Variants in HNRNPK observed in about 807,000 individuals in gnomAD.
HNRNPK encodes the protein dC-stretch binding protein.
Under a neutral mutation model 67.0 loss-of-function variants are expected in HNRNPK, and 7 were observed. That is an observed-to-expected ratio of 0.10 (90% CI 0.06 to 0.20). The LOEUF (loss-of-function observed/expected upper bound fraction) is 0.20, where lower values mean the gene tolerates loss of function less well. HNRNPK is among the 10% of genes least tolerant of loss of function. HNRNPK has a pLI of 1.00. For synonymous variants in HNRNPK, 213 were observed against 193.7 expected (o/e 1.10, Z -0.83); for missense variants, 264 against 606.5 (o/e 0.44, Z 5.93).
At chr9:83,979,241 G>T (rs1199048304) in intron 1 of HNRNPK, among the ~76,000 whole-genome samples, 1 of 152,174 alleles carries the variant, frequency 6.6e-6, no homozygotes, top group Non-Finnish European at 1.5e-5. Flanking sequence ...GCCAACAAGC[G>T]AGGCACATTT....
rs1445085692 is a variant in HNRNPK at position 83,968,782 on chromosome 9, AAG to A, written c.*623_*624del. The A allele has an allele frequency of 2.0e-5, 3 of 152,824 alleles. No homozygotes were observed. The highest frequency in any genetic ancestry group is 7.2e-5 in the African/African-American group (3 of 41,576). 9.5% of individuals were successfully genotyped at this position (152,824 alleles called of 1,614,324 possible). Reference sequence around the variant, plus strand: ...CCAAGTTATTTTGCCTATGTCCAACAAGAGATGCACTTATATGTCCAACAGAG... The same window carrying A: ...CCAAGTTATTTTGCCTATGTCCAACAAGATGCACTTATATGTCCAACAGAG... On this transcript the variant is annotated 3_prime_UTR_variant, in exon 17 of 17. Transcript: ENST00000376263.
At chr9:83,973,136 C>G in intron 9 of HNRNPK, 150 bp downstream of exon 9, 1 of 729,648 alleles carries the variant, frequency 1.4e-6, no homozygotes, top group Non-Finnish European at 2.3e-6. Context: ...GACAAAATAA[C>G]ATGTCTAGCA....
intron 12 of HNRNPK, 97 bp from the exon 13 acceptor site, chr9:83,971,453 A>G (rs756912058): frequency 3.3e-5 from 30 of 917,928 alleles, no homozygotes; most frequent in Non-Finnish European, 4.5e-5. Context: ...AAAACAAAAG[A>G]GGGTACATAT....
chr9:83,974,723 G>T, intron 6 of HNRNPK, 134 bp from the exon 7 acceptor site: 1 of 622,322 alleles, frequency 1.6e-6, no homozygotes, highest in Non-Finnish European at 2.8e-6. Context: ...ATTTAAAGTA[G>T]CCTATTTATA....
At chr9:83,972,258 A>T (rs941761653) in intron 10 of HNRNPK, 69 bp from the exon 11 acceptor site, 29 of 1,161,488 alleles carry the variant, frequency 2.5e-5, no homozygotes, top group African/African-American at 2.5e-4. Flanking sequence ...AATCCTTCTA[A>T]CATCATCATC....
intron 5 of HNRNPK, chr9:83,975,734 G>A: frequency 5.2e-6 from 3 of 579,528 alleles, no homozygotes; most frequent in South Asian, 4.2e-5. Context: ...AACAAGGAGA[G>A]GGAAAAGGGG....
At chr9:83,978,964 T>A (rs1026502519) in intron 1 of HNRNPK, among the ~76,000 whole-genome samples, 1 of 152,150 alleles carries the variant, frequency 6.6e-6, no homozygotes, top group Admixed American at 6.5e-5. Flanking sequence ...AAATCTAATA[T>A]AGGACCAGAC....
chr9:83,980,556 G>A (rs111916510), upstream of HNRNPK: 1 of 152,922 alleles, frequency 6.5e-6, no homozygotes. Flanking sequence ...CGGTGCAGCA[G>A]AGAAACAGAG....
intron 3 of HNRNPK, 49 bp downstream of exon 3, chr9:83,978,146 T>G (rs1157474162): frequency 1.6e-6 from 2 of 1,250,998 alleles, no homozygotes; most frequent in Non-Finnish European, 1.2e-6. Context: ...AAAAAGGCAA[T>G]TTATTAACAG....
intron 12 of HNRNPK, 112 bp from the exon 13 acceptor site, chr9:83,971,468 G>A: frequency 1.2e-6 from 1 of 839,326 alleles, no homozygotes; most frequent in South Asian, 1.5e-5. Context: ...ACATATATAG[G>A]CAGCAATTTT....
intron 13 of HNRNPK, 50 bp downstream of exon 13, chr9:83,971,223 A>C: frequency 1.7e-6 from 2 of 1,186,110 alleles, no homozygotes; most frequent in East Asian, 4.7e-5. Context: ...AGAGCAGGTA[A>C]GCATCTTAAA....
chr9:83,974,000 G>A (rs897505515), intron 7 of HNRNPK, 27 bp from the exon 8 acceptor site: 2 of 1,521,126 alleles, frequency 1.3e-6, no homozygotes, highest in Admixed American at 1.7e-5. Flanking sequence ...AAGAGTAATA[G>A]GTTAAGTGTC....
intron 3 of HNRNPK, 125 bp downstream of exon 3, chr9:83,978,070 A>G (rs934471812): frequency 3.0e-6 from 2 of 662,830 alleles, no homozygotes; most frequent in African/African-American, 3.7e-5. Context: ...ACTACTGATA[A>G]TCGCAGAATT....
chr9:83,969,808 A>T, intron 16 of HNRNPK: 1 of 616,840 alleles, frequency 1.6e-6, no homozygotes, highest in South Asian at 1.4e-5. Flanking sequence ...TTAGTTATCT[A>T]AAAACAACAA....
chr9:83,978,807 T>C (rs1016419510), intron 1 of HNRNPK, among the ~76,000 whole-genome samples: 1 of 152,234 alleles, frequency 6.6e-6, no homozygotes, highest in African/African-American at 2.4e-5. Context: ...GGAAAACTAA[T>C]TTTATATTAA....
chr9:83,974,891 C>T (rs1957007884), intron 6 of HNRNPK, among the ~76,000 whole-genome samples: 1 of 152,166 alleles, frequency 6.6e-6, no homozygotes, highest in Non-Finnish European at 1.5e-5. Context: ...TTATGTTCCC[C>T]GCCACCACTG....
At chr9:83,974,650 T>G (rs1956996127) in intron 6 of HNRNPK, 61 bp from the exon 7 acceptor site, 2 of 1,115,430 alleles carry the variant, frequency 1.8e-6, no homozygotes, top group Non-Finnish European at 2.7e-6. Flanking sequence ...ATGAGTTTTG[T>G]GTTTGTCACC....
intron 8 of HNRNPK, among the ~76,000 whole-genome samples, chr9:83,973,651 G>A (rs1213092580): frequency 6.6e-6 from 1 of 152,114 alleles, no homozygotes; most frequent in Non-Finnish European, 1.5e-5. Flanking sequence ...TTAGCATGTC[G>A]CTGTTACCAC....
chr9:83,970,967 G>GT, intron 13 of HNRNPK, 55 bp from the exon 14 acceptor site: 1 of 1,537,692 alleles, frequency 6.5e-7, no homozygotes, highest in Non-Finnish European at 9.0e-7. Flanking sequence ...ATTACTACCG[G>GT]TACTTTAAAA....
Sources: allele counts gnomAD v4.1 joint callset (sites outside exome capture counted in the v4.1 genomes callset), GRCh38; gene constraint gnomAD v4.1.1; transcripts MANE v1.5; gene names NCBI Gene and HGNC (gene_info 2026-07-23, HGNC 2026-07-21).